KCNK13: variants seen among roughly 807,000 people sequenced by gnomAD.
The protein encoded by KCNK13 is potassium channel subfamily K member 13.
A neutral mutation model predicts 23.4 loss-of-function variants in KCNK13; 12 were observed. That is an observed-to-expected ratio of 0.51 (90% CI 0.33 to 0.83). KCNK13 has a LOEUF of 0.83. Ranked by LOEUF, KCNK13 falls within the 40% of genes least tolerant of loss-of-function variation. The pLI, the probability that KCNK13 is intolerant of heterozygous loss-of-function variation, is 0.02. For missense variants in KCNK13, 463 were observed against 556.3 expected (o/e 0.83, Z 1.69); for synonymous variants, 231 against 229.5 (o/e 1.01, Z -0.06).
chr14:90,089,553 A>G (rs949569338), intron 1 of KCNK13, among the ~76,000 whole-genome samples: 2 of 152,246 alleles, frequency 1.3e-5, no homozygotes, highest in Non-Finnish European at 2.9e-5. Context: ...AGAAAATCCC[A>G]TCTTCCGAGG....
intron 1 of KCNK13, among the ~76,000 whole-genome samples, chr14:90,063,699 T>G (rs1017232258): frequency 3.9e-5 from 6 of 152,116 alleles, no homozygotes; most frequent in Non-Finnish European, 7.4e-5. Flanking sequence ...AAGTTGAGCC[T>G]CCTTGAGGCT....
At chr14:90,066,661 T>C (rs1342786284) in intron 1 of KCNK13, among the ~76,000 whole-genome samples, 1 of 152,228 alleles carries the variant, frequency 6.6e-6, no homozygotes, top group Non-Finnish European at 1.5e-5. Context: ...AATATTTTCC[T>C]GGAAAATGCT....
intron 1 of KCNK13, among the ~76,000 whole-genome samples, chr14:90,155,320 A>G (rs1014876091): frequency 6.6e-6 from 1 of 152,164 alleles, no homozygotes; most frequent in African/African-American, 2.4e-5. Flanking sequence ...GACTGAGTGA[A>G]CAGTGGAGGG....
chr14:90,133,388 G>A (rs1424895259), intron 1 of KCNK13, among the ~76,000 whole-genome samples: 1 of 152,074 alleles, frequency 6.6e-6, no homozygotes, highest in African/African-American at 2.4e-5. Flanking sequence ...GAGTTTAAGA[G>A]GAAACGGGGA....
At chr14:90,175,052 G>A (rs962234084) in intron 1 of KCNK13, among the ~76,000 whole-genome samples, 1 of 152,084 alleles carries the variant, frequency 6.6e-6, no homozygotes, top group African/African-American at 2.4e-5. Context: ...GATCCATTTG[G>A]TGGGGGACCA....
chr14:90,132,954 T>C (rs542212546), intron 1 of KCNK13, among the ~76,000 whole-genome samples: 1 of 152,286 alleles, frequency 6.6e-6, no homozygotes, highest in South Asian at 2.1e-4. Flanking sequence ...ACTCTGCCTT[T>C]CCCACTGTAC....
intron 1 of KCNK13, among the ~76,000 whole-genome samples, chr14:90,177,753 C>T (rs1012839425): frequency 6.6e-6 from 1 of 152,132 alleles, no homozygotes; most frequent in Non-Finnish European, 1.5e-5. Flanking sequence ...GGTCTTGATT[C>T]ATGCATCATA....
chr14:90,169,590 G>A lies in KCNK13; in HGVS notation c.335-14521G>A, dbSNP rs551497860. On this transcript the variant is annotated intron_variant, in intron 1 of 1. Transcript: ENST00000282146. Reference sequence around the variant, plus strand: ...AACCCCTGCCCCTCATATGGTAAACGTTTATCTCTAAGCATTTTCTTTAGG... The same window carrying A: ...AACCCCTGCCCCTCATATGGTAAACATTTATCTCTAAGCATTTTCTTTAGG... 3.9e-5 allele frequency among the ~76,000 whole-genome samples: 6 copies of A among 152,268 alleles called. No individual in the cohort carries two copies. In the East Asian group the frequency reaches 9.7e-4, roughly 24 times the overall value.
At chr14:90,162,429 A>C (rs116576263) in intron 1 of KCNK13, among the ~76,000 whole-genome samples, 35 of 152,342 alleles carry the variant, frequency 2.3e-4, no homozygotes, top group African/African-American at 8.4e-4. Context: ...GAAAAAGATC[A>C]TTGGATTGTA....
chr14:90,150,269 G>C (rs1890120751), intron 1 of KCNK13, among the ~76,000 whole-genome samples: 1 of 152,080 alleles, frequency 6.6e-6, no homozygotes, highest in South Asian at 2.1e-4. Context: ...TTTTGAACCT[G>C]GGAAGTCTGG....
chr14:90,080,416 A>C (rs564225910), intron 1 of KCNK13, among the ~76,000 whole-genome samples: 1 of 152,286 alleles, frequency 6.6e-6, no homozygotes, highest in African/African-American at 2.4e-5. Flanking sequence ...AGATCACTCT[A>C]TTGTACTCCA....
intron 1 of KCNK13, among the ~76,000 whole-genome samples, chr14:90,102,606 G>A (rs1043322756): frequency 4.6e-5 from 7 of 152,140 alleles, no homozygotes; most frequent in African/African-American, 1.7e-4. Context: ...GACCCCCTAT[G>A]AAATTCCTCC....
intron 1 of KCNK13, among the ~76,000 whole-genome samples, chr14:90,168,096 G>C (rs1331769146): frequency 6.6e-6 from 1 of 152,130 alleles, no homozygotes; most frequent in African/African-American, 2.4e-5. Flanking sequence ...GTGAGGGGCG[G>C]GGTGTGGTGG....
intron 1 of KCNK13, among the ~76,000 whole-genome samples, chr14:90,078,169 C>G (rs1014699489): frequency 1.3e-5 from 2 of 152,068 alleles, no homozygotes; most frequent in African/African-American, 4.8e-5. Context: ...GCTTGTAATC[C>G]CAGCACTTTG....
rs867949302 is a variant in KCNK13, at chr14:90,062,594, G to C, written c.334+55G>C. 13 of 1,329,142 alleles carry C rather than the reference G, an allele frequency of 9.8e-6. No homozygotes were observed. The highest frequency in any genetic ancestry group is 1.3e-5 in the Non-Finnish European group (13 of 996,574). The allele number at this position is 1,329,142 out of a possible 1,614,324, so 82.3% of individuals were successfully genotyped here. On this transcript the variant is annotated intron_variant, in intron 1 of 1. Transcript: ENST00000282146. The surrounding 1 kb of genome is among the most constrained non-coding windows in gnomAD (Gnocchi z 4.5). ...CCTCCGGGCGGCCTCCACTTCCTCC[G>C]GGGGGCAGGACCGACCCTCTCATCC... is the stretch of plus-strand genomic sequence containing the variant.
chr14:90,132,543 CAAA>C (rs397853239), intron 1 of KCNK13, among the ~76,000 whole-genome samples: 7 of 83,956 alleles, frequency 8.3e-5, no homozygotes, highest in Non-Finnish European at 5.2e-5. Flanking sequence ...GACTCTGTCT[CAAA>C]AAAAAAAAAA....
At position 90,155,078 on chromosome 14, in the gene KCNK13, G is replaced by A. The variant is rs541401164; in HGVS notation, c.335-29033G>A. ...TATAAAATATATGGTATATCATACTGGTGATATGTGCTGTAGAAAAATTAC... is the reference window on the plus strand; with the variant it reads ...TATAAAATATATGGTATATCATACTAGTGATATGTGCTGTAGAAAAATTAC... On this transcript the variant is annotated intron_variant, in intron 1 of 1. Transcript: ENST00000282146. Among the ~76,000 whole-genome samples the A allele has an allele frequency of 2.6e-4, 39 of 152,322 alleles. No individual in the cohort carries two copies. The South Asian group carries it at 7.9e-3, about 31-fold the overall frequency.
At chr14:90,179,335 T>TTA (rs1890459578) in intron 1 of KCNK13, among the ~76,000 whole-genome samples, 1 of 151,816 alleles carries the variant, frequency 6.6e-6, no homozygotes, top group South Asian at 2.1e-4. Context: ...TTTTTTTTTT[T>TTA]ACCTTAATTG....
intron 1 of KCNK13, among the ~76,000 whole-genome samples, chr14:90,152,799 T>A (rs1596801192): frequency 6.6e-6 from 1 of 152,200 alleles, no homozygotes; most frequent in Non-Finnish European, 1.5e-5. Context: ...TGGTCCCATA[T>A]GAATTTTAGG....
Sources: allele counts gnomAD v4.1 joint callset (sites outside exome capture counted in the v4.1 genomes callset), GRCh38; gene constraint gnomAD v4.1.1; non-coding constraint Gnocchi (gnomAD v3.1); transcripts MANE v1.5; gene names NCBI Gene and HGNC (gene_info 2026-07-23, HGNC 2026-07-21).